ZNF622: variants seen among roughly 807,000 people sequenced by gnomAD.
ZNF622 encodes the protein cytoplasmic 60S subunit biogenesis factor ZNF622.
A neutral mutation model predicts 49.7 loss-of-function variants in ZNF622; 34 were observed. That is an observed-to-expected ratio of 0.68 (90% CI 0.52 to 0.91). The LOEUF (loss-of-function observed/expected upper bound fraction) is 0.91, where lower values mean the gene tolerates loss of function less well. Among genes scored for constraint, ZNF622 ranks in the 40% least tolerant of loss-of-function variants. The pLI is 0.00. For synonymous variants in ZNF622, 209 were observed against 228.7 expected, an observed-to-expected ratio of 0.91 and a Z score of 0.78; for missense variants, 569 against 616.4, an observed-to-expected ratio of 0.92 and a Z score of 0.81.
chr5:16,451,929 T>C (rs1737941327), intron 5 of ZNF622, 145 bp from the exon 6 acceptor site: 2 of 965,532 alleles, frequency 2.1e-6, no homozygotes, highest in Admixed American at 5.7e-5. Context: ...TTGGGGTCTC[T>C]AAGCCATGCG....
rs557849283 is a variant in ZNF622, at chr5:16,463,696, A to G, written c.672T>C (p.Thr224=). 1 of 1,614,236 alleles carries G rather than the reference A, an allele frequency of 6.2e-7. No homozygotes were observed. The highest frequency in any genetic ancestry group is 8.5e-7 in the Non-Finnish European group (1 of 1,180,046). The change falls in exon 2 of 6, where the codon ACT becomes ACC. Residue 224 remains threonine (T), a synonymous_variant. Transcript: ENST00000308683. This position sits in a 1 kb window ranked among gnomAD's most constrained non-coding sequence, Gnocchi z 4.2. ...DSDEELECED[T]EAMDDVVEQD... ...GCTCCACCACATCGTCCATTGCTTC[A>G]GTATCCTCACATTCCAATTCTTCAT...
rs1738154004 is a variant in ZNF622, at chr5:16,463,389, G to C, written c.886+93C>G. ...AAAATAACCAAGCAATTATATCAAA[G>C]ATTGATGAAAAATGCAAAACTAATG... On this transcript the variant is annotated intron_variant, in intron 2 of 5. Coordinates refer to ENST00000308683, the MANE Select transcript of ZNF622 (RefSeq NM_033414.3). This position sits in a 1 kb window ranked among gnomAD's most constrained non-coding sequence, Gnocchi z 4.2. 2.7e-6 allele frequency: 4 copies of C among 1,502,024 alleles called. No individual in the cohort carries two copies. The highest frequency in any genetic ancestry group is 2.6e-5 in the South Asian group (2 of 75,580). The allele number at this position is 1,502,024 out of a possible 1,614,324, so 93.0% of individuals were successfully genotyped here. A position where few individuals can be genotyped will look rare whatever the true frequency, so the allele number is the denominator to read the frequency against.
chr5:16,458,004 T>C (rs1469616277), intron 4 of ZNF622, among the ~76,000 whole-genome samples: 1 of 152,166 alleles, frequency 6.6e-6, no homozygotes, highest in Admixed American at 6.5e-5. Context: ...GATTCTTTCT[T>C]CCTACACAAT....
intron 1 of ZNF622, among the ~76,000 whole-genome samples, chr5:16,464,689 A>C (rs1352849765): frequency 6.6e-6 from 1 of 152,214 alleles, no homozygotes; most frequent in Non-Finnish European, 1.5e-5. Context: ...CTGGAAACCC[A>C]CTAGAATCGC....
In ZNF622 at chr5:16,463,342, C is replaced by T. The variant is rs1738153315; in HGVS notation, c.887-72G>A. The stretch of plus-strand genomic sequence containing the variant: ...CCAGATTAAATCTCACTATTTGTCA[C>T]CAAAACTCAAAAATCATTCACAAAA... On this transcript the variant is annotated intron_variant, in intron 2 of 5. Transcript: ENST00000308683. This position sits in a 1 kb window ranked among gnomAD's most constrained non-coding sequence, Gnocchi z 4.2. 6.5e-7 allele frequency: 1 copy of T among 1,529,196 alleles called. No individual in the cohort carries two copies. 94.7% of individuals were successfully genotyped at this position (1,529,196 alleles called of 1,614,324 possible).
rs773275462 is a variant in ZNF622, at chr5:16,451,797, G to A, written c.1307-13C>T. ...ATAAGAGCCGCTCCTATGATTGGAAGGCAGTTAAGAAATTAGGCAAAGTTC... is the reference window on the plus strand; with the variant it reads ...ATAAGAGCCGCTCCTATGATTGGAAAGCAGTTAAGAAATTAGGCAAAGTTC... On this transcript the variant is annotated splice_polypyrimidine_tract_variant and intron_variant, in intron 5 of 5. Transcript: ENST00000308683. The A allele has an allele frequency of 6.3e-5, 102 of 1,606,512 alleles. No individual in the cohort carries two copies. The highest frequency in any genetic ancestry group is 8.3e-5 in the Non-Finnish European group (98 of 1,177,670).
intron 3 of ZNF622, among the ~76,000 whole-genome samples, chr5:16,461,394 T>C (rs191755971): frequency 6.6e-6 from 1 of 152,258 alleles, no homozygotes; most frequent in Admixed American, 6.5e-5. Context: ...CTAGTTACAG[T>C]TTTGAGAATA....
In ZNF622 at chr5:16,463,146, G is replaced by T; in HGVS notation, c.1011C>A (p.Gly337=). Residue 337 remains glycine, a synonymous_variant, in exon 3 of 6, where the codon GGC becomes GGA. Transcript: ENST00000308683. This position sits in a 1 kb window ranked among gnomAD's most constrained non-coding sequence, Gnocchi z 4.2. ...DKSHCKLFTD[G]DAALEFADFY... ...AGTCTGCAAATTCCAAAGCAGCATC[G>T]CCATCTGTGAAGAGCTTACAGTGGC... The T allele has an allele frequency of 1.9e-6, 3 of 1,611,682 alleles. No individual in the cohort carries two copies. Among genetic ancestry groups the T allele is most frequent in the Non-Finnish European group, 2.5e-6 (3 of 1,179,510 alleles).
rs1237913907 is a variant in ZNF622, at chr5:16,463,008, T to C, written c.1049+100A>G. ...GAGGTGTTATAAGTGTTATTAAGGATATGTTGTACAGTGCCAAACATATCC... is the reference window on the plus strand; with the variant it reads ...GAGGTGTTATAAGTGTTATTAAGGACATGTTGTACAGTGCCAAACATATCC... On this transcript the variant is annotated intron_variant, in intron 3 of 5. Transcript: ENST00000308683. The surrounding 1 kb of genome is among the most constrained non-coding windows in gnomAD (Gnocchi z 4.2). 26 of 1,230,820 alleles carry C rather than the reference T, an allele frequency of 2.1e-5. No individual in the cohort carries two copies. The highest frequency in any genetic ancestry group is 2.7e-5 in the Non-Finnish European group (24 of 891,526). The allele number at this position is 1,230,820 out of a possible 1,614,324, so 76.2% of individuals were successfully genotyped here. A position where few individuals can be genotyped will look rare whatever the true frequency, so the allele number is the denominator to read the frequency against.
At chr5:16,453,186 C>T (rs1302522805) in intron 4 of ZNF622, 30 bp from the exon 5 acceptor site, 14 of 1,438,844 alleles carry the variant, frequency 9.7e-6, no homozygotes, top group Non-Finnish European at 1.3e-5. Context: ...TACTGAAACA[C>T]TGAGTTGGAT....
rs750164235 is a variant in ZNF622, at chr5:16,463,573, C to G, written c.795G>C (p.Met265Ile). The G allele has an allele frequency of 2.5e-6, 4 of 1,614,086 alleles. No homozygotes were observed. Among genetic ancestry groups the G allele is most frequent in the Non-Finnish European group, 3.4e-6 (4 of 1,180,052 alleles). ...LFCSHHSSSL[M>I]KNVAHMTKDH... The stretch of plus-strand genomic sequence containing the variant: ...CTTTGGTCATGTGAGCCACATTCTT[C>G]ATCAGCGAGCTGGAATGATGGGAAC... The change falls in exon 2 of 6, where the codon ATG (methionine) becomes ATC (isoleucine). Residue 265 changes from methionine to isoleucine, a missense_variant. Physicochemically the swap from Met to Ile is conservative, Grantham distance 10. Coordinates refer to ENST00000308683, the MANE Select transcript of ZNF622 (RefSeq NM_033414.3). The surrounding 1 kb of genome is among the most constrained non-coding windows in gnomAD (Gnocchi z 4.2).
rs1360895060 is a variant in ZNF622, at chr5:16,458,611, G to A, written c.1068C>T (p.His356=). Residue 356 remains histidine (H), a synonymous_variant, in exon 4 of 6, where the codon CAC becomes CAT. Transcript: ENST00000308683. The stretch of plus-strand genomic sequence containing the variant: ...CCTTATTGGGGTCCTCCCCTTCCTT[G>A]TGATCTGGATAGCTACTCCTATAAC... ...FYDFRSSYPD[H]KEGEDPNKAE... 6.2e-7 allele frequency: 1 copy of A among 1,612,768 alleles called. No homozygotes were observed. The highest frequency in any genetic ancestry group is 2.2e-5 in the East Asian group (1 of 44,844).
chr5:16,464,895 T>C (rs1029641373), intron 1 of ZNF622, 146 bp downstream of exon 1: 6 of 1,230,094 alleles, frequency 4.9e-6, no homozygotes, highest in African/African-American at 1.5e-5. Flanking sequence ...GATAAGGCAC[T>C]TCAGAAAGCG....
Position 16,465,771 on chromosome 5 carries a change from A to C in ZNF622, c.-106T>G. On this transcript the variant is annotated 5_prime_UTR_variant, in exon 1 of 6. Coordinates refer to ENST00000308683, the MANE Select transcript of ZNF622 (RefSeq NM_033414.3). The surrounding 1 kb of genome is among the most constrained non-coding windows in gnomAD (Gnocchi z 6.2). ...CCCGCCTCAGCAGCCAGGAAGAGCC[A>C]CTCGACACGCCGACTTCCTGATTGT... 7.0e-7 allele frequency: 1 copy of C among 1,418,542 alleles called. No homozygotes were observed. Among genetic ancestry groups the C allele is most frequent in the Non-Finnish European group, 9.5e-7 (1 of 1,055,026 alleles). The allele number at this position is 1,418,542 out of a possible 1,614,324, so 87.9% of individuals were successfully genotyped here. A position where few individuals can be genotyped will look rare whatever the true frequency, so the allele number is the denominator to read the frequency against.
chr5:16,454,112 A>G (rs1737982299), intron 4 of ZNF622, among the ~76,000 whole-genome samples: 1 of 152,212 alleles, frequency 6.6e-6, no homozygotes, highest in South Asian at 2.1e-4. Context: ...ACACGATTGT[A>G]TATCTCATTA....
At chr5:16,451,871 G>T (rs1244372561) in intron 5 of ZNF622, 87 bp from the exon 6 acceptor site, 3 of 1,512,274 alleles carry the variant, frequency 2.0e-6, no homozygotes, top group Admixed American at 2.1e-5. Context: ...AATTCAAAAG[G>T]TTAGTTTGGG....
intron 3 of ZNF622, among the ~76,000 whole-genome samples, chr5:16,461,381 C>A (rs1402462902): frequency 6.6e-6 from 1 of 152,108 alleles, no homozygotes; most frequent in Non-Finnish European, 1.5e-5. Flanking sequence ...TAAAAGGATC[C>A]CCCTAGTTAC....
intron 3 of ZNF622, among the ~76,000 whole-genome samples, chr5:16,461,340 T>C (rs187311124): frequency 6.6e-6 from 1 of 152,336 alleles, no homozygotes; most frequent in East Asian, 1.9e-4. Context: ...TTTGAAAGAA[T>C]CTGAGCAGAG....
intron 3 of ZNF622, among the ~76,000 whole-genome samples, chr5:16,458,974 G>A (rs914745220): frequency 6.6e-6 from 1 of 152,198 alleles, no homozygotes; most frequent in African/African-American, 2.4e-5. Context: ...AGAACTCTGT[G>A]ATGACAGAAA....
Sources: gnomAD v4.1 joint callset for allele counts (sites outside exome capture counted in the v4.1 genomes callset) on GRCh38, gnomAD v4.1.1 for gene constraint, Gnocchi (gnomAD v3.1) non-coding constraint, MANE v1.5 for transcripts, NCBI Gene and HGNC (gene_info 2026-07-23, HGNC 2026-07-21) for gene names.